GRIK2: variants seen among roughly 807,000 people sequenced by gnomAD.
GRIK2 encodes the protein glutamate receptor ionotropic, kainate 2.
A neutral mutation model predicts 100.3 loss-of-function variants in GRIK2; 32 were observed. The observed-to-expected ratio is 0.32, with a 90% CI of 0.24 to 0.43. The LOEUF (loss-of-function observed/expected upper bound fraction) is 0.43. Ranked by LOEUF, GRIK2 falls within the 20% of genes least tolerant of loss-of-function variation. The pLI is 1.00. For missense variants in GRIK2, 843 were observed against 1,114.9 expected, an observed-to-expected ratio of 0.76 and a Z score of 3.47; for synonymous variants, 417 against 389.4, an observed-to-expected ratio of 1.07 and a Z score of -0.83.
chr6:102,042,050 G>A (rs1582773866), intron 15 of GRIK2, among the ~76,000 whole-genome samples: 1 of 151,650 alleles, frequency 6.6e-6, no homozygotes, highest in African/African-American at 2.4e-5. Flanking sequence ...TTTGTGGGAA[G>A]AGAGTGATTG....
chr6:101,925,869 T>C (rs2128470750), intron 13 of GRIK2, among the ~76,000 whole-genome samples: 1 of 152,148 alleles, frequency 6.6e-6, no homozygotes, highest in Non-Finnish European at 1.5e-5. Flanking sequence ...ATTAATTCAT[T>C]ACTGTTTCAT....
chr6:101,744,096 C>G (rs1227381718), intron 7 of GRIK2, among the ~76,000 whole-genome samples: 1 of 151,972 alleles, frequency 6.6e-6, no homozygotes, highest in Admixed American at 6.5e-5. Flanking sequence ...GCGCCCGCCA[C>G]CACGCCCGGC....
At chr6:101,712,919 G>T (rs1001766945) in intron 7 of GRIK2, among the ~76,000 whole-genome samples, 15 of 151,852 alleles carry the variant, frequency 9.9e-5, no homozygotes, top group South Asian at 8.3e-4. Context: ...CTCATAAAAA[G>T]TAGAGCTCTT....
chr6:101,609,307 A>G (rs948583199), intron 2 of GRIK2, among the ~76,000 whole-genome samples: 6 of 151,774 alleles, frequency 4.0e-5, no homozygotes, highest in South Asian at 2.1e-4. Flanking sequence ...CAGTTTTTCA[A>G]TTTCACAGGA....
intron 2 of GRIK2, among the ~76,000 whole-genome samples, chr6:101,613,477 G>A (rs1374511918): frequency 6.6e-6 from 1 of 151,702 alleles, no homozygotes; most frequent in Non-Finnish European, 1.5e-5. Context: ...GTTGATGATA[G>A]AATTAGGCCC....
intron 7 of GRIK2, among the ~76,000 whole-genome samples, chr6:101,712,457 T>C (rs527852515): frequency 2.0e-5 from 3 of 151,982 alleles, no homozygotes; most frequent in Admixed American, 6.6e-5. Context: ...TAAGGTGGAC[T>C]GCAATAAAAA....
chr6:102,058,761 G>A (rs186821940), intron 16 of GRIK2, among the ~76,000 whole-genome samples: 8 of 151,456 alleles, frequency 5.3e-5, no homozygotes. Context: ...ACACTTGTGA[G>A]ATCCATTATT....
intron 14 of GRIK2, among the ~76,000 whole-genome samples, chr6:101,970,447 T>G (rs1279923791): frequency 6.6e-6 from 1 of 152,026 alleles, no homozygotes; most frequent in Non-Finnish European, 1.5e-5. Context: ...ACAGACAGTG[T>G]GCCTAAAGTA....
At chr6:101,743,788 T>C (rs901169523) in intron 7 of GRIK2, among the ~76,000 whole-genome samples, 2 of 152,194 alleles carry the variant, frequency 1.3e-5, no homozygotes, top group African/African-American at 4.8e-5. Flanking sequence ...TAGGTAGCCA[T>C]TATATTTGCT....
intron 10 of GRIK2, among the ~76,000 whole-genome samples, chr6:101,840,391 T>C (rs1783417034): frequency 6.6e-6 from 1 of 152,242 alleles, no homozygotes; most frequent in Non-Finnish European, 1.5e-5. Flanking sequence ...CAACTACAAC[T>C]TGAGTACTTG....
intron 14 of GRIK2, among the ~76,000 whole-genome samples, chr6:102,022,374 C>T (rs760219078): frequency 2.0e-5 from 3 of 151,640 alleles, no homozygotes; most frequent in Non-Finnish European, 3.0e-5. Flanking sequence ...CTCACAGGTA[C>T]ACACATACAT....
At chr6:102,015,088 G>A (rs1472360634) in intron 14 of GRIK2, among the ~76,000 whole-genome samples, 1 of 152,098 alleles carries the variant, frequency 6.6e-6, no homozygotes, top group Non-Finnish European at 1.5e-5. Context: ...CTCTTTGAAT[G>A]TCTCCAAAAA....
At chr6:101,496,352 G>GACATAATA (rs1271741343) in intron 2 of GRIK2, among the ~76,000 whole-genome samples, 8 of 152,110 alleles carry the variant, frequency 5.3e-5, no homozygotes, top group Admixed American at 1.3e-4. Flanking sequence ...GTGACATAAT[G>GACATAATA]GCTGTGATTT....
chr6:101,472,988 T>A (rs1380366424), intron 2 of GRIK2, among the ~76,000 whole-genome samples: 1 of 151,660 alleles, frequency 6.6e-6, no homozygotes, highest in East Asian at 1.9e-4. Flanking sequence ...CTTGGCCCAT[T>A]TGAAGGAAAT....
intron 2 of GRIK2, among the ~76,000 whole-genome samples, chr6:101,613,343 T>C (rs1779760752): frequency 6.6e-6 from 1 of 151,780 alleles, no homozygotes; most frequent in Non-Finnish European, 1.5e-5. Flanking sequence ...TATCACTGAC[T>C]TAGATATAAA....
chr6:101,815,167 A>G (rs1781559232), intron 9 of GRIK2, among the ~76,000 whole-genome samples: 1 of 152,108 alleles, frequency 6.6e-6, no homozygotes, highest in Non-Finnish European at 1.5e-5. Context: ...TGTGCAAGGA[A>G]TGTGTGTGGA....
At chr6:101,704,697 T>C (rs1384276882) in intron 7 of GRIK2, among the ~76,000 whole-genome samples, 1 of 151,382 alleles carries the variant, frequency 6.6e-6, no homozygotes, top group Non-Finnish European at 1.5e-5. Context: ...AAAACCCATG[T>C]AACAGAAATA....
intron 2 of GRIK2, among the ~76,000 whole-genome samples, chr6:101,405,126 G>A (rs1025435285): frequency 3.9e-5 from 6 of 152,192 alleles, no homozygotes; most frequent in South Asian, 2.1e-4. Context: ...TAAATAGAAC[G>A]CCCTTAACAA....
At chr6:101,719,380 A>C (rs1774310643) in intron 7 of GRIK2, among the ~76,000 whole-genome samples, 1 of 151,890 alleles carries the variant, frequency 6.6e-6, no homozygotes, top group South Asian at 2.1e-4. Context: ...CTGCTAGCCA[A>C]ACTATATACA....
Sources: allele counts gnomAD v4.1 joint callset (sites outside exome capture counted in the v4.1 genomes callset), GRCh38; gene constraint gnomAD v4.1.1; transcripts MANE v1.5; gene names NCBI Gene and HGNC (gene_info 2026-07-23, HGNC 2026-07-21).